NFIX: variants seen among roughly 807,000 people sequenced by gnomAD.
The protein encoded by NFIX is nuclear factor 1 X-type.
A neutral mutation model predicts 53.3 loss-of-function variants in NFIX; 2 were observed. That is an observed-to-expected ratio of 0.04 (90% confidence interval 0.02 to 0.12). The LOEUF is 0.12. Ranked by LOEUF, NFIX falls within the 10% of genes least tolerant of loss-of-function variation. The pLI, the probability that NFIX is intolerant of heterozygous loss-of-function variation, is 1.00. For synonymous variants in NFIX, 244 were observed against 289.0 expected (o/e 0.84, Z 1.58); for missense variants, 310 against 674.5 (o/e 0.46, Z 5.99).
At position 13,088,753 on chromosome 19, in the gene NFIX, G is replaced by A. The variant is rs539813207; in HGVS notation, c.1402+617G>A. On this transcript the variant is annotated intron_variant, in intron 9 of 10. Transcript: ENST00000592199. This position sits in a 1 kb window ranked among gnomAD's most constrained non-coding sequence, Gnocchi z 5.9. ...TCCATCCCTCTCCCGTCCCTTCTCCGCAATTCCTTTCCCAGGTTAGATGTT... is the reference window on the plus strand; with the variant it reads ...TCCATCCCTCTCCCGTCCCTTCTCCACAATTCCTTTCCCAGGTTAGATGTT... 1.3e-5 allele frequency among the ~76,000 whole-genome samples: 2 copies of A among 151,350 alleles called. No individual in the cohort carries two copies. Among genetic ancestry groups the A allele is most frequent in the South Asian group, 2.1e-4 (1 of 4,748 alleles).
rs368420877 is a variant in NFIX, at chr19:13,047,866, C to T, written c.559+22314C>T. On this transcript the variant is annotated intron_variant, in intron 2 of 10. Coordinates refer to ENST00000592199, the MANE Select transcript of NFIX (RefSeq NM_001365902.3). ...TCTTTGTCCCATGGTGGCAGCATTC[C>T]GGCCCGGTTAATTGCATGCCACCCT... is the stretch of plus-strand genomic sequence containing the variant. Among the ~76,000 whole-genome samples the T allele has an allele frequency of 3.3e-5, 5 of 152,270 alleles. No individual in the cohort carries two copies. In the South Asian group the frequency reaches 1.0e-3, roughly 32 times the overall value.
At chr19:13,034,176 G>T (rs2014013695) in intron 2 of NFIX, among the ~76,000 whole-genome samples, 2 of 152,338 alleles carry the variant, frequency 1.3e-5, no homozygotes, top group South Asian at 2.1e-4. Flanking sequence ...AAGGGTCCCT[G>T]TTGGAGCCAG....
At chr19:13,004,746 G>A (rs531947112) in intron 1 of NFIX, among the ~76,000 whole-genome samples, 10 of 152,056 alleles carry the variant, frequency 6.6e-5, no homozygotes, top group Non-Finnish European at 1.3e-4. Flanking sequence ...TCTAGACTCC[G>A]TGGTCGAGGG....
rs181062849 is a variant in NFIX at position 13,028,416 on chromosome 19, G to T, written c.559+2864G>T. Among the ~76,000 whole-genome samples the T allele has an allele frequency of 6.6e-6, 1 of 152,200 alleles. No individual in the cohort carries two copies. The highest frequency in any genetic ancestry group is 2.1e-4 in the South Asian group (1 of 4,826). On this transcript the variant is annotated intron_variant, in intron 2 of 10. Transcript: ENST00000592199. The surrounding 1 kb of genome is among the most constrained non-coding windows in gnomAD (Gnocchi z 4.2). ...CAGTAACGGTGATGTGGTGGTAAAT[G>T]TGGGGGTGTGGCTTTGCTCCCAGGT...
In NFIX at chr19:13,078,518, TGAG is replaced by T; in HGVS notation, c.956-91_956-89del. ...GGAGGAAGGGGCAGTGGGGAGGGGCTGAGGAGAGAAGGAGCGAGCTGCTGGCTT... is the reference window on the plus strand; with the variant it reads ...GGAGGAAGGGGCAGTGGGGAGGGGCTGAGAGAAGGAGCGAGCTGCTGGCTT... On this transcript the variant is annotated intron_variant, in intron 6 of 10. Coordinates refer to ENST00000592199, the MANE Select transcript of NFIX (RefSeq NM_001365902.3). This position sits in a 1 kb window ranked among gnomAD's most constrained non-coding sequence, Gnocchi z 4.7. 3 of 1,436,052 alleles carry T rather than the reference TGAG, an allele frequency of 2.1e-6. No homozygotes were observed. In the South Asian group the frequency reaches 4.0e-5, roughly 19 times the overall value. The allele number at this position is 1,436,052 out of a possible 1,614,324, so 89.0% of individuals were successfully genotyped here. A position where few individuals can be genotyped will look rare whatever the true frequency, so the allele number is the denominator to read the frequency against.
At chr19:13,003,875 A>G (rs937200223) in intron 1 of NFIX, among the ~76,000 whole-genome samples, 2 of 151,942 alleles carry the variant, frequency 1.3e-5, no homozygotes, top group African/African-American at 4.8e-5. Context: ...CCTGGGCTCA[A>G]GCAGTTCTCC....
Position 13,093,722 on chromosome 19 carries a change from G to A in NFIX, c.1495-913G>A, listed in dbSNP as rs1779230108. ...CAGAGTCTGTGACAGCCTGGGAGAG[G>A]TCCCAAGATGCATTTTCAGGGACCC... On this transcript the variant is annotated intron_variant, in intron 10 of 10. Coordinates refer to ENST00000592199, the MANE Select transcript of NFIX (RefSeq NM_001365902.3). The surrounding 1 kb of genome is among the most constrained non-coding windows in gnomAD (Gnocchi z 4.7). Among the ~76,000 whole-genome samples, 1 of 152,174 alleles carries A rather than the reference G, an allele frequency of 6.6e-6. No individual in the cohort carries two copies. The highest frequency in any genetic ancestry group is 2.1e-4 in the South Asian group (1 of 4,834).
At chr19:13,085,359 T>G (rs2017714209) in intron 8 of NFIX, among the ~76,000 whole-genome samples, 1 of 152,184 alleles carries the variant, frequency 6.6e-6, no homozygotes, top group African/African-American at 2.4e-5. Context: ...GCTCTGAAGC[T>G]GGAGGAAGGC....
At chr19:13,048,755 A>T (rs8104231) in intron 2 of NFIX, among the ~76,000 whole-genome samples, 71,229 of 145,568 alleles carry the variant, frequency 0.49, 18,930 homozygotes, top group African/African-American at 0.72. Context: ...TAAGATTTAA[A>T]TCACATAATA....
At chr19:13,079,575 A>G (rs1476077615) in intron 7 of NFIX, among the ~76,000 whole-genome samples, 2 of 152,160 alleles carry the variant, frequency 1.3e-5, no homozygotes, top group African/African-American at 4.8e-5. Flanking sequence ...AGGACACAGA[A>G]AATGAGGAGG....
At chr19:13,023,367 C>T (rs1210741619) in intron 1 of NFIX, among the ~76,000 whole-genome samples, 1 of 150,048 alleles carries the variant, frequency 6.7e-6, no homozygotes, top group African/African-American at 2.5e-5. Context: ...TTGCACGCGT[C>T]TGCCAGCAAC....
In NFIX at chr19:13,072,615, C is replaced by T. The variant is rs901092897; in HGVS notation, c.560-432C>T. 2.0e-5 allele frequency among the ~76,000 whole-genome samples: 3 copies of T among 152,214 alleles called. No individual in the cohort carries two copies. The highest frequency in any genetic ancestry group is 1.9e-4 in the East Asian group (1 of 5,198). ...TGGTCTCTGACTTCTCTCTTGGGACCCCTCTTTGCTCCTGACTCTTGGCCG... is the reference window on the plus strand; with the variant it reads ...TGGTCTCTGACTTCTCTCTTGGGACTCCTCTTTGCTCCTGACTCTTGGCCG... On this transcript the variant is annotated intron_variant, in intron 2 of 10. Transcript: ENST00000592199. This position sits in a 1 kb window ranked among gnomAD's most constrained non-coding sequence, Gnocchi z 4.0.
chr19:13,091,959 T>TC, intron 10 of NFIX, among the ~76,000 whole-genome samples: 1 of 152,286 alleles, frequency 6.6e-6, no homozygotes, highest in South Asian at 2.1e-4. Flanking sequence ...CCCCCCATGT[T>TC]CCCTGTGTCT....
chr19:13,056,687 C>G (rs914788446), intron 2 of NFIX, among the ~76,000 whole-genome samples: 1 of 152,266 alleles, frequency 6.6e-6, no homozygotes, highest in Non-Finnish European at 1.5e-5. Flanking sequence ...CTACATTCTT[C>G]TTTCTGTTCC....
At chr19:13,003,109 G>C (rs577882945) in intron 1 of NFIX, among the ~76,000 whole-genome samples, 2 of 152,022 alleles carry the variant, frequency 1.3e-5, no homozygotes, top group Non-Finnish European at 1.5e-5. Context: ...GTTGGGGGGG[G>C]GTTTATTCCG....
At chr19:13,065,995 T>C (rs1775260784) in intron 2 of NFIX, among the ~76,000 whole-genome samples, 3 of 152,178 alleles carry the variant, frequency 2.0e-5, no homozygotes, top group Admixed American at 2.0e-4. Context: ...GGAAGGCTTC[T>C]GGCTATGAGT....
chr19:13,088,725 C>T lies in NFIX; in HGVS notation c.1402+589C>T, dbSNP rs987722848. Among the ~76,000 whole-genome samples the T allele has an allele frequency of 2.0e-5, 3 of 152,058 alleles. No individual in the cohort carries two copies. Among genetic ancestry groups the T allele is most frequent in the Admixed American group, 6.5e-5 (1 of 15,292 alleles). The stretch of plus-strand genomic sequence containing the variant: ...CGTTGTTCCTCTTTTTTTTTCCCCC[C>T]CTTCCATCCCTCTCCCGTCCCTTCT... On this transcript the variant is annotated intron_variant, in intron 9 of 10. Transcript: ENST00000592199. This position sits in a 1 kb window ranked among gnomAD's most constrained non-coding sequence, Gnocchi z 5.9.
chr19:13,076,442 C>T (rs982261081), intron 6 of NFIX, among the ~76,000 whole-genome samples: 2 of 152,188 alleles, frequency 1.3e-5, no homozygotes, highest in Admixed American at 6.5e-5. Flanking sequence ...TGGAAGACAG[C>T]ATGTAACACG....
rs539169338 is a variant in NFIX at position 13,053,371 on chromosome 19, AT to A, written c.560-19668del. Among the ~76,000 whole-genome samples, 76 of 151,994 alleles carry A rather than the reference AT, an allele frequency of 5.0e-4. No individual in the cohort carries two copies. In the South Asian group the frequency reaches 8.7e-3, roughly 17 times the overall value. ...AGCAATAGACAAACTCTCCAAAAAT[AT>A]TTTTTTTAAGTTTCCCAAACTTTTC... is the stretch of plus-strand genomic sequence containing the variant. On this transcript the variant is annotated intron_variant, in intron 2 of 10. Transcript: ENST00000592199.
Sources: gnomAD v4.1 joint callset for allele counts (sites outside exome capture counted in the v4.1 genomes callset) on GRCh38, gnomAD v4.1.1 for gene constraint, Gnocchi (gnomAD v3.1) non-coding constraint, MANE v1.5 for transcripts, NCBI Gene and HGNC (gene_info 2026-07-23, HGNC 2026-07-21) for gene names.